NRXN1: variants seen among roughly 807,000 people sequenced by gnomAD.
NRXN1 encodes neurexin-1.
Under a neutral mutation model 150.9 loss-of-function variants are expected in NRXN1, and 39 were observed. The ratio of observed to expected loss-of-function variants is 0.26; its 90% CI spans 0.20 to 0.34. The LOEUF is 0.34. Ranked by LOEUF, NRXN1 falls within the 10% of genes least tolerant of loss-of-function variation. The pLI is 1.00. For missense variants in NRXN1, 1,815 were observed against 1,949.9 expected, an observed-to-expected ratio of 0.93 and a Z score of 1.30; for synonymous variants, 924 against 757.0, an observed-to-expected ratio of 1.22 and a Z score of -3.62.
At chr2:50,184,567 A>C (rs1056329837) in intron 18 of NRXN1, among the ~76,000 whole-genome samples, 2 of 152,006 alleles carry the variant, frequency 1.3e-5, no homozygotes, top group Non-Finnish European at 2.9e-5. Flanking sequence ...AAATAATATT[A>C]CTAAGAAGAA....
intron 12 of NRXN1, among the ~76,000 whole-genome samples, chr2:50,517,359 C>T (rs557507229): frequency 2.2e-4 from 33 of 151,908 alleles, no homozygotes; most frequent in Non-Finnish European, 3.7e-4. Flanking sequence ...TTGAACATAA[C>T]GGCAATTCAC....
At chr2:49,989,284 T>C (rs1278025457) in intron 21 of NRXN1, among the ~76,000 whole-genome samples, 4 of 152,188 alleles carry the variant, frequency 2.6e-5, no homozygotes. Context: ...TTATAGCTTA[T>C]TAAATTTCCA....
intron 2 of NRXN1, among the ~76,000 whole-genome samples, chr2:50,940,404 G>A (rs995100116): frequency 1.3e-5 from 2 of 151,606 alleles, no homozygotes; most frequent in Admixed American, 1.3e-4. Context: ...GAACCCGGGA[G>A]GTGGAGGTTG....
Position 49,919,913 on chromosome 2 carries a change from C to A in NRXN1, c.*2031G>T, listed in dbSNP as rs1005697841. ...TTTTTTTTCATCAACTAAAGTATCA[C>A]AAAAGATGTTTTGCATTTTTTGCCT... On this transcript the variant is annotated 3_prime_UTR_variant, in exon 23 of 23. Coordinates refer to ENST00000401669, the MANE Select transcript of NRXN1 (RefSeq NM_001330078.2). 48 of 152,090 alleles carry A rather than the reference C, an allele frequency of 3.2e-4. No individual in the cohort carries two copies. The highest frequency in any genetic ancestry group is 1.1e-3 in the African/African-American group (46 of 41,508). 9.4% of individuals were successfully genotyped at this position (152,090 alleles called of 1,614,324 possible).
chr2:50,255,333 A>T (rs1043177041), intron 17 of NRXN1, among the ~76,000 whole-genome samples: 2 of 152,196 alleles, frequency 1.3e-5, no homozygotes, highest in African/African-American at 4.8e-5. Flanking sequence ...AGAATTTTAC[A>T]TTTTACCACC....
At chr2:50,817,006 T>C (rs1166756728) in intron 5 of NRXN1, among the ~76,000 whole-genome samples, 3 of 152,090 alleles carry the variant, frequency 2.0e-5, no homozygotes, top group Non-Finnish European at 2.9e-5. Flanking sequence ...CACAGGGCTC[T>C]CGGAGATCAC....
intron 17 of NRXN1, among the ~76,000 whole-genome samples, chr2:50,295,274 A>G (rs929885691): frequency 4.6e-5 from 7 of 152,098 alleles, no homozygotes; most frequent in Non-Finnish European, 1.0e-4. Flanking sequence ...TTTAAATTCA[A>G]CCTTTGATTA....
intron 2 of NRXN1, among the ~76,000 whole-genome samples, chr2:50,998,270 A>G (rs1699583974): frequency 7.1e-6 from 1 of 141,706 alleles, no homozygotes; most frequent in Non-Finnish European, 1.5e-5. Context: ...ACACATGCAT[A>G]CAGAATATAG....
At chr2:50,923,651 T>G (rs562452904) in intron 3 of NRXN1, 1 of 158,898 alleles carries the variant, frequency 6.3e-6, no homozygotes, top group South Asian at 1.6e-4. Flanking sequence ...GAAATAAAGC[T>G]ATTTCTCTAT....
At chr2:50,278,245 T>TATATGTATTATATATATTAC in intron 17 of NRXN1, among the ~76,000 whole-genome samples, 1 of 124,376 alleles carries the variant, frequency 8.0e-6, no homozygotes, top group African/African-American at 3.2e-5. Context: ...ATATATAATA[T>TATATGTATTATATATATTAC]ATATATATAT....
intron 5 of NRXN1, chr2:50,918,071 G>T (rs1226618348): frequency 3.3e-5 from 5 of 151,510 alleles, no homozygotes; most frequent in African/African-American, 7.3e-5. Context: ...TTAACAATTA[G>T]TTTTGAGAAA....
intron 17 of NRXN1, among the ~76,000 whole-genome samples, chr2:50,256,160 G>T (rs1315509382): frequency 3.3e-5 from 5 of 152,154 alleles, no homozygotes; most frequent in Admixed American, 6.6e-5. Flanking sequence ...TTACTGTTTA[G>T]ATGCAGCTTG....
intron 18 of NRXN1, among the ~76,000 whole-genome samples, chr2:50,108,507 C>A (rs938695343): frequency 1.3e-5 from 2 of 151,898 alleles, no homozygotes; most frequent in Admixed American, 6.6e-5. Flanking sequence ...TACATAAAGC[C>A]AGATAAAGTG....
chr2:50,796,981 G>A (rs749784265), intron 5 of NRXN1, among the ~76,000 whole-genome samples: 1 of 152,104 alleles, frequency 6.6e-6, no homozygotes, highest in Non-Finnish European at 1.5e-5. Context: ...CAGAAGGGAG[G>A]ACACTGTGTC....
chr2:50,787,785 G>T (rs750337438), intron 5 of NRXN1, among the ~76,000 whole-genome samples: 1 of 151,604 alleles, frequency 6.6e-6, no homozygotes, highest in Non-Finnish European at 1.5e-5. Context: ...TGTTTTTCCT[G>T]AGTAAGGACA....
At chr2:50,166,316 TG>T in intron 18 of NRXN1, among the ~76,000 whole-genome samples, 2 of 144,686 alleles carry the variant, frequency 1.4e-5, no homozygotes, top group African/African-American at 5.7e-5. Flanking sequence ...TGTGTGTGTG[TG>T]TGTGTGTTTG....
At chr2:50,258,843 T>C (rs941732338) in intron 17 of NRXN1, among the ~76,000 whole-genome samples, 1 of 152,008 alleles carries the variant, frequency 6.6e-6, no homozygotes, top group Non-Finnish European at 1.5e-5. Flanking sequence ...CCCATGTATA[T>C]CTCCATCATT....
chr2:50,208,832 C>T (rs532983490), intron 18 of NRXN1, among the ~76,000 whole-genome samples: 2 of 152,224 alleles, frequency 1.3e-5, no homozygotes, highest in South Asian at 2.1e-4. Flanking sequence ...AACATTCTTG[C>T]GTTAACACAT....
At chr2:50,597,168 G>T (rs1438645851) in intron 8 of NRXN1, among the ~76,000 whole-genome samples, 1 of 152,082 alleles carries the variant, frequency 6.6e-6, no homozygotes, top group East Asian at 1.9e-4. Flanking sequence ...AATGAACAAA[G>T]TCATATGGAG....
Sources: gnomAD v4.1 joint callset for allele counts (sites outside exome capture counted in the v4.1 genomes callset) on GRCh38, gnomAD v4.1.1 for gene constraint, MANE v1.5 for transcripts, NCBI Gene and HGNC (gene_info 2026-07-23, HGNC 2026-07-21) for gene names.